DIAPH3: variants seen among roughly 807,000 people sequenced by gnomAD.
The protein encoded by DIAPH3 is protein diaphanous homolog 3.
A neutral mutation model predicts 144.3 loss-of-function variants in DIAPH3; 117 were observed. That is an observed-to-expected ratio of 0.81 (90% CI 0.70 to 0.95). The LOEUF (loss-of-function observed/expected upper bound fraction) is 0.95. Ranked by LOEUF, DIAPH3 falls within the 40% of genes least tolerant of loss-of-function variation. The pLI is 0.00. For missense variants in DIAPH3, 1,421 were observed against 1,412.7 expected, an observed-to-expected ratio of 1.01 and a Z score of -0.09; for synonymous variants, 519 against 488.9, an observed-to-expected ratio of 1.06 and a Z score of -0.81.
chr13:59,808,065 C>T (rs984001408), intron 25 of DIAPH3, among the ~76,000 whole-genome samples: 6 of 150,740 alleles, frequency 4.0e-5, no homozygotes, highest in Admixed American at 6.6e-5. Context: ...TATAAATAAT[C>T]AAAACTAGAA....
intron 24 of DIAPH3, among the ~76,000 whole-genome samples, chr13:59,825,126 T>C (rs1336344499): frequency 2.0e-5 from 3 of 152,032 alleles, no homozygotes; most frequent in South Asian, 2.1e-4. Context: ...CATGCTGGTG[T>C]GCTGCACCCA....
intron 20 of DIAPH3, among the ~76,000 whole-genome samples, chr13:59,891,716 C>G (rs947060327): frequency 3.3e-5 from 5 of 151,852 alleles, no homozygotes; most frequent in African/African-American, 9.7e-5. Flanking sequence ...CTGCTAAAAG[C>G]AACTTTAAGT....
chr13:59,958,332 A>T (rs908795380), intron 17 of DIAPH3, among the ~76,000 whole-genome samples: 1 of 152,180 alleles, frequency 6.6e-6, no homozygotes, highest in Non-Finnish European at 1.5e-5. Flanking sequence ...AGAAATATTC[A>T]AGTAAAAATA....
rs1257112991 is a variant in DIAPH3 at position 59,971,056 on chromosome 13, T to C, written c.1755A>G (p.Gly585=). Reference sequence around the variant, plus strand: ...GGGGAGGAGGTGGAGGCGGCACCCCTCCACCAGAAGGCAGTGGAGGCGGAG... The same window carrying C: ...GGGGAGGAGGTGGAGGCGGCACCCCCCCACCAGAAGGCAGTGGAGGCGGAG... The part of the protein sequence containing the change: ...LPPPPPLPSG[G]GVPPPPPPPP... The change falls in exon 16 of 28, where the codon GGA becomes GGG. Residue 585 remains glycine, a synonymous_variant. Transcript: ENST00000400324. The C allele has an allele frequency of 1.2e-6, 2 of 1,613,366 alleles. No individual in the cohort carries two copies. The highest frequency in any genetic ancestry group is 1.7e-5 in the Admixed American group (1 of 59,954).
chr13:60,015,262 G>A (rs181362095), intron 7 of DIAPH3, among the ~76,000 whole-genome samples: 27 of 152,150 alleles, frequency 1.8e-4, no homozygotes, highest in Admixed American at 1.2e-3. Context: ...ATCCCAAAGC[G>A]GTAAGATTAT....
chr13:59,952,954 T>A (rs571091462), intron 17 of DIAPH3, among the ~76,000 whole-genome samples: 1 of 152,298 alleles, frequency 6.6e-6, no homozygotes, highest in African/African-American at 2.4e-5. Context: ...GGAGCTTAAA[T>A]TCCAGTGGGA....
intron 27 of DIAPH3, among the ~76,000 whole-genome samples, chr13:59,730,744 T>A (rs1031556029): frequency 2.0e-5 from 3 of 152,178 alleles, no homozygotes; most frequent in Non-Finnish European, 4.4e-5. Flanking sequence ...TTAATTCCCT[T>A]CCTTGAATCT....
chr13:59,974,397 T>A lies in DIAPH3; in HGVS notation c.1605A>T (p.Ala535=), dbSNP rs1261174152. ...GCTCTGCTTGAAGCTCATTAATCTT[T>A]GCCTCTTTTTTCTGCAATTCAGCCT... ...ETQAELQKKE[A]KINELQAELQ... is the part of the protein sequence containing the mutation. The change falls in exon 15 of 28, where the codon GCA becomes GCT. Residue 535 remains alanine, a synonymous_variant. Transcript: ENST00000400324. 1.9e-6 allele frequency: 3 copies of A among 1,612,570 alleles called. No homozygotes were observed. Among genetic ancestry groups the A allele is most frequent in the African/African-American group, 1.3e-5 (1 of 74,748 alleles).
Position 59,950,259 on chromosome 13 carries a change from T to C in DIAPH3, c.2074+19685A>G, listed in dbSNP as rs538855224. Among the ~76,000 whole-genome samples, 9 of 152,248 alleles carry C rather than the reference T, an allele frequency of 5.9e-5. No homozygotes were observed. The East Asian group carries it at 1.5e-3, about 26-fold the overall frequency. ...TTCCAGTGACATTGTCCCATATATA[T>C]CTTCTCATTCTCAAACACAGAGCAG... On this transcript the variant is annotated intron_variant, in intron 17 of 27. Coordinates refer to ENST00000400324, the MANE Select transcript of DIAPH3 (RefSeq NM_001042517.2).
In DIAPH3 at chr13:59,672,651, G is replaced by A. The variant is rs75214619; in HGVS notation, c.3320-5805C>T. On this transcript the variant is annotated intron_variant, in intron 27 of 27. Coordinates refer to ENST00000400324, the MANE Select transcript of DIAPH3 (RefSeq NM_001042517.2). ...GCAATAACGGAAGTTAGTGGTGGCC[G>A]CCAGCAGCCCATATCCCTGTGGTTT... 5.6e-3 allele frequency among the ~76,000 whole-genome samples: 853 copies of A among 152,284 alleles called. 5 individuals are homozygous for A. The highest frequency in any genetic ancestry group is 0.019 in the African/African-American group (806 of 41,558).
intron 27 of DIAPH3, among the ~76,000 whole-genome samples, chr13:59,697,459 C>CAAAAAAAAAAAAAAA (rs58372882): frequency 1.6e-4 from 5 of 31,190 alleles, no homozygotes; most frequent in African/African-American, 4.8e-4. Flanking sequence ...GACACTGTCT[C>CAAAAAAAAAAAAAAA]AAAAAAAAAA....
chr13:60,139,115 A>G (rs1175847266), intron 1 of DIAPH3, among the ~76,000 whole-genome samples: 1 of 151,914 alleles, frequency 6.6e-6, no homozygotes, highest in East Asian at 1.9e-4. Flanking sequence ...TACAGAGTCT[A>G]TGGATCATCT....
chr13:59,783,360 T>G (rs964131240), intron 25 of DIAPH3, among the ~76,000 whole-genome samples: 6 of 152,198 alleles, frequency 3.9e-5, no homozygotes, highest in African/African-American at 1.4e-4. Flanking sequence ...CGTCTTTGTT[T>G]GATGATAGAA....
intron 27 of DIAPH3, among the ~76,000 whole-genome samples, chr13:59,755,813 G>A (rs927153791): frequency 6.6e-6 from 1 of 152,044 alleles, no homozygotes; most frequent in African/African-American, 2.4e-5. Flanking sequence ...TGTGGCCAAG[G>A]TTCAGAATAC....
rs1439325587 is a variant in DIAPH3 at position 60,016,103 on chromosome 13, T to C, written c.669A>G (p.Leu223=). Residue 223 remains leucine (L), a synonymous_variant, in exon 6 of 28, where the codon TTA becomes TTG. Transcript: ENST00000400324. ...CACTAATCAGTTTTTCCAAAATGTC[T>C]AATAATAATCCAAGCCCTTCATGTC... is the stretch of plus-strand genomic sequence containing the variant. ...SFGHEGLGLL[L]DILEKLISGK... is the part of the protein sequence containing the mutation. The C allele has an allele frequency of 1.2e-6, 2 of 1,613,610 alleles. No homozygotes were observed. Among genetic ancestry groups the C allele is most frequent in the East Asian group, 2.2e-5 (1 of 44,792 alleles).
intron 9 of DIAPH3, among the ~76,000 whole-genome samples, chr13:59,999,634 C>A (rs901326080): frequency 2.6e-5 from 4 of 152,132 alleles, no homozygotes; most frequent in Non-Finnish European, 5.9e-5. Flanking sequence ...CTAAAATAGA[C>A]CTGTTCCTGG....
In DIAPH3 at chr13:59,983,769, C is replaced by A; in HGVS notation, c.1480G>T (p.Asp494Tyr). Reference sequence around the variant, plus strand: ...TTCTATTTAAATAATAAATACTCACCTACAAACTGGGTTAAATCTAAATCT... The same window carrying A: ...TTCTATTTAAATAATAAATACTCACATACAAACTGGGTTAAATCTAAATCT... Reference protein sequence around the residue: ...RLDLDLTQFVDICIDQAKLEE... With the variant: ...RLDLDLTQFVYICIDQAKLEE... The change falls in exon 13 of 28, where the codon GAC becomes TAC. Residue 494 changes from aspartate (D) to tyrosine (Y), a missense_variant and splice_region_variant. Physicochemically the swap from Asp to Tyr is radical, Grantham distance 160. Transcript: ENST00000400324. The A allele has an allele frequency of 6.4e-7, 1 of 1,572,010 alleles. No homozygotes were observed. The highest frequency in any genetic ancestry group is 8.7e-7 in the Non-Finnish European group (1 of 1,143,656).
intron 27 of DIAPH3, among the ~76,000 whole-genome samples, chr13:59,685,319 C>T (rs1028433853): frequency 2.0e-5 from 3 of 152,048 alleles, no homozygotes; most frequent in Non-Finnish European, 4.4e-5. Context: ...ATACATTATG[C>T]TCATGAATAA....
At chr13:59,978,023 C>T (rs2050772543) in intron 14 of DIAPH3, among the ~76,000 whole-genome samples, 1 of 151,688 alleles carries the variant, frequency 6.6e-6, no homozygotes, top group African/African-American at 2.4e-5. Flanking sequence ...CCCTGGCCAC[C>T]CATGACTAGG....
Sources: allele counts gnomAD v4.1 joint callset (sites outside exome capture counted in the v4.1 genomes callset), GRCh38; gene constraint gnomAD v4.1.1; transcripts MANE v1.5; gene names NCBI Gene and HGNC (gene_info 2026-07-23, HGNC 2026-07-21).